VWA5A: variants seen among roughly 807,000 people sequenced by gnomAD.
VWA5A encodes von Willebrand factor A domain containing 5A.
In VWA5A, 77 loss-of-function variants were observed where a neutral mutation model predicts 84.6. That is an observed-to-expected ratio of 0.91 (90% CI 0.76 to 1.10). The LOEUF (loss-of-function observed/expected upper bound fraction) is 1.10, where lower values mean the gene tolerates loss of function less well. Among genes scored for constraint, VWA5A ranks in the 50% least tolerant of loss-of-function variants. The pLI is 0.00. For synonymous variants in VWA5A, 334 were observed against 350.1 expected (o/e 0.95, Z 0.51); for missense variants, 973 against 963.0 (o/e 1.01, Z -0.14).
intron 11 of VWA5A, among the ~76,000 whole-genome samples, chr11:124,130,991 A>G (rs1413617451): frequency 6.6e-6 from 1 of 151,950 alleles, no homozygotes; most frequent in Non-Finnish European, 1.5e-5. Context: ...TTCTGTATTT[A>G]TGTCTTCTTT....
intron 15 of VWA5A, among the ~76,000 whole-genome samples, chr11:124,139,225 T>TGTGTGTGTGTGTG (rs1860678571): frequency 6.8e-6 from 1 of 147,326 alleles, no homozygotes; most frequent in Non-Finnish European, 1.5e-5. Context: ...AGCATTTTGT[T>TGTGTGTGTGTGTG]TGTGTGTGTG....
At chr11:124,142,713 AG>A in intron 17 of VWA5A, 141 bp downstream of exon 17, 1 of 1,127,136 alleles carries the variant, frequency 8.9e-7, no homozygotes, top group Non-Finnish European at 1.2e-6. Flanking sequence ...TAGAGGCTGA[AG>A]GTTTTTCCAG....
chr11:124,145,514 T>G lies in VWA5A; in HGVS notation c.2281+151T>G, dbSNP rs1860804092. ...AGTTCTTTTCTTGGGAGGACAAGGG[T>G]GAAATATTAAATTGGGGACAAGGTA... On this transcript the variant is annotated intron_variant, in intron 18 of 18. Coordinates refer to ENST00000456829, the MANE Select transcript of VWA5A (RefSeq NM_001130142.2). 1.5e-5 allele frequency: 18 copies of G among 1,239,014 alleles called. 1 individual carries two copies. The highest frequency in any genetic ancestry group is 1.8e-5 in the Non-Finnish European group (17 of 931,596). The allele number at this position is 1,239,014 out of a possible 1,614,324, so 76.8% of individuals were successfully genotyped here.
intron 16 of VWA5A, 100 bp from the exon 17 acceptor site, chr11:124,142,342 G>T (rs1336362794): frequency 2.0e-6 from 3 of 1,475,516 alleles, no homozygotes; most frequent in Non-Finnish European, 2.7e-6. Context: ...TTGCATTCTT[G>T]CTATGGCCTG....
At chr11:124,117,943 T>C in intron 4 of VWA5A, 68 bp downstream of exon 4, 2 of 1,552,002 alleles carry the variant, frequency 1.3e-6, no homozygotes, top group Non-Finnish European at 1.8e-6. Flanking sequence ...TAATGCATAC[T>C]CTTTATGATC....
At position 124,146,154 on chromosome 11, in the gene VWA5A, A is replaced by T. The variant is rs972002636; in HGVS notation, c.*209A>T. 5.9e-6 allele frequency: 3 copies of T among 504,378 alleles called. No homozygotes were observed. The African/African-American group carries it at 6.0e-5, about 10-fold the overall frequency. The allele number at this position is 504,378 out of a possible 1,614,324, so 31.2% of individuals were successfully genotyped here. A position where few individuals can be genotyped will look rare whatever the true frequency, so the allele number is the denominator to read the frequency against. On this transcript the variant is annotated 3_prime_UTR_variant, in exon 19 of 19. Transcript: ENST00000456829. ...CAACATATGCCCTCAGAAAAGTGAC[A>T]GTGGTCCCAGAACCTATTCCCTTTC... is the stretch of plus-strand genomic sequence containing the variant.
intron 11 of VWA5A, 70 bp downstream of exon 11, chr11:124,124,386 T>G (rs1864985377): frequency 1.3e-6 from 2 of 1,557,704 alleles, no homozygotes; most frequent in Non-Finnish European, 1.7e-6. Flanking sequence ...TGCTACATGA[T>G]GCCGGTGTTG....
At position 124,115,492 on chromosome 11, in the gene VWA5A, C is replaced by T. The variant is rs557979223; in HGVS notation, c.-131+10C>T. 5 of 152,178 alleles carry T rather than the reference C, an allele frequency of 3.3e-5. No homozygotes were observed. The highest frequency in any genetic ancestry group is 3.3e-4 in the Admixed American group (5 of 15,282). 9.4% of individuals were successfully genotyped at this position (152,178 alleles called of 1,614,324 possible). On this transcript the variant is annotated intron_variant, in intron 1 of 18. Transcript: ENST00000456829. ...GCTGCAGGAGAGGAAGGTAGGGGAC[C>T]AAGCTACCGGTGCAGGGCCTGGATC...
rs545755530 is a variant in VWA5A, at chr11:124,140,175, G to A, written c.1880-1423G>A. Among the ~76,000 whole-genome samples, 29 of 152,258 alleles carry A rather than the reference G, an allele frequency of 1.9e-4. No individual in the cohort carries two copies. The Middle Eastern group carries it at 0.01, about 54-fold the overall frequency. Reference sequence around the variant, plus strand: ...TGCATGATCATTTTAACGTACTTCTGAATGTGGTTTGCTAATATTTTGTTG... The same window carrying A: ...TGCATGATCATTTTAACGTACTTCTAAATGTGGTTTGCTAATATTTTGTTG... On this transcript the variant is annotated intron_variant, in intron 15 of 18. Coordinates refer to ENST00000456829, the MANE Select transcript of VWA5A (RefSeq NM_001130142.2).
At chr11:124,142,317 A>G in intron 16 of VWA5A, 125 bp from the exon 17 acceptor site, 2 of 1,310,084 alleles carry the variant, frequency 1.5e-6, no homozygotes, top group Non-Finnish European at 2.1e-6. Context: ...ATGTTGTCTG[A>G]TGACTTTCTT....
chr11:124,142,400 G>C, intron 16 of VWA5A, 42 bp from the exon 17 acceptor site: 1 of 1,608,416 alleles, frequency 6.2e-7, no homozygotes, highest in Non-Finnish European at 8.5e-7. Flanking sequence ...GGTGCCGATA[G>C]CTCCACAATT....
chr11:124,134,165 G>A (rs1024916286), intron 11 of VWA5A, among the ~76,000 whole-genome samples: 14 of 152,184 alleles, frequency 9.2e-5, no homozygotes, highest in African/African-American at 2.7e-4. Flanking sequence ...ATTGTTACAC[G>A]TAGGTCCAGT....
intron 7 of VWA5A, 126 bp downstream of exon 7, chr11:124,119,215 A>G: frequency 1.2e-6 from 1 of 848,018 alleles, no homozygotes; most frequent in East Asian, 2.7e-5. Context: ...ACACTGAAAT[A>G]GTTTACACTA....
chr11:124,117,467 T>C, intron 2 of VWA5A, 30 bp from the exon 3 acceptor site: 2 of 1,607,946 alleles, frequency 1.2e-6, no homozygotes, highest in East Asian at 2.2e-5. Flanking sequence ...TTCCAACATG[T>C]CCTCTGTTTG....
At chr11:124,140,110 C>G (rs1030206297) in intron 15 of VWA5A, among the ~76,000 whole-genome samples, 1 of 152,098 alleles carries the variant, frequency 6.6e-6, no homozygotes, top group Non-Finnish European at 1.5e-5. Context: ...GTTTATTGAA[C>G]CAACTTTTCA....
intron 8 of VWA5A, 104 bp from the exon 9 acceptor site, chr11:124,123,262 G>T (rs1209783147): frequency 6.6e-7 from 1 of 1,516,488 alleles, no homozygotes; most frequent in Non-Finnish European, 8.9e-7. Flanking sequence ...ATGTAAGAAG[G>T]CACAAGGTGG....
At chr11:124,129,979 T>G (rs933010425) in intron 11 of VWA5A, among the ~76,000 whole-genome samples, 4 of 152,202 alleles carry the variant, frequency 2.6e-5, no homozygotes, top group African/African-American at 9.7e-5. Context: ...TCTATCTCCT[T>G]CAGTTCTGCC....
At chr11:124,135,522 C>CTTTTTTTTT (rs60188800) in intron 12 of VWA5A, among the ~76,000 whole-genome samples, 1 of 84,310 alleles carries the variant, frequency 1.2e-5, no homozygotes, top group African/African-American at 4.8e-5. Context: ...GGTGGTATTT[C>CTTTTTTTTT]TTTTTTTTTT....
chr11:124,133,529 G>C (rs147673506), intron 11 of VWA5A, among the ~76,000 whole-genome samples: 5 of 152,214 alleles, frequency 3.3e-5, no homozygotes, highest in Admixed American at 6.5e-5. Flanking sequence ...TGTAAATATT[G>C]TATACAGCTT....
Sources: gnomAD v4.1 joint callset for allele counts (sites outside exome capture counted in the v4.1 genomes callset) on GRCh38, gnomAD v4.1.1 for gene constraint, MANE v1.5 for transcripts, NCBI Gene and HGNC (gene_info 2026-07-23, HGNC 2026-07-21) for gene names.